The following WDFY4 variants were observed in gnomAD, a reference collection of about 807,000 sequenced individuals.
WDFY4 encodes the protein WDFY family member 4.
Under a neutral mutation model 351.9 loss-of-function variants are expected in WDFY4, and 169 were observed. The ratio of observed to expected loss-of-function variants is 0.48; its 90% CI spans 0.42 to 0.55. WDFY4 has a LOEUF of 0.55. Ranked by LOEUF, WDFY4 falls within the 20% of genes least tolerant of loss-of-function variation. WDFY4 has a pLI of 0.00. For missense variants in WDFY4, 3,803 were observed against 3,935.6 expected (o/e 0.97, Z 0.90); for synonymous variants, 1,622 against 1,574.6 (o/e 1.03, Z -0.71).
intron 47 of WDFY4, among the ~76,000 whole-genome samples, chr10:48,926,063 C>A (rs1206004111): frequency 6.6e-6 from 1 of 152,182 alleles, no homozygotes; most frequent in Non-Finnish European, 1.5e-5. Flanking sequence ...TTTCTATACA[C>A]TGTGCCACCT....
At chr10:48,897,631 A>G in intron 45 of WDFY4, 57 bp downstream of exon 45, 1 of 1,527,152 alleles carries the variant, frequency 6.5e-7, no homozygotes, top group Non-Finnish European at 8.8e-7. Context: ...GCCATGGGAC[A>G]GGTGGTCCAG....
chr10:48,727,397 A>T (rs1421781464), intron 6 of WDFY4, 73 bp from the exon 7 acceptor site: 1 of 1,397,556 alleles, frequency 7.2e-7, no homozygotes, highest in Non-Finnish European at 9.8e-7. Context: ...GGAGTAGGGG[A>T]GGTAGGTGGA....
chr10:48,807,211 A>T (rs570768250), intron 27 of WDFY4, among the ~76,000 whole-genome samples: 43 of 152,338 alleles, frequency 2.8e-4, no homozygotes, highest in African/African-American at 1.0e-3. Flanking sequence ...AACTGAGGGA[A>T]TGAACAAATG....
In WDFY4 at chr10:48,959,714, C is replaced by T. The variant is rs750881430; in HGVS notation, c.8132-8C>T. The T allele has an allele frequency of 6.4e-7, 1 of 1,551,066 alleles. No homozygotes were observed. Among genetic ancestry groups the T allele is most frequent in the South Asian group, 1.2e-5 (1 of 84,030 alleles). Reference sequence around the variant, plus strand: ...ACCCAAATCTCTGCTGCTTCTCATCCCATGCAGGCTGCATGCAGGACGGGA... The same window carrying T: ...ACCCAAATCTCTGCTGCTTCTCATCTCATGCAGGCTGCATGCAGGACGGGA... On this transcript the variant is annotated splice_region_variant and splice_polypyrimidine_tract_variant and intron_variant, in intron 52 of 61. Coordinates refer to ENST00000325239, the MANE Select transcript of WDFY4 (RefSeq NM_001394531.1).
In WDFY4 at chr10:48,808,022, C is replaced by A. The variant is rs1363124890; in HGVS notation, c.4838+64C>A. The A allele has an allele frequency of 1.6e-5, 21 of 1,329,648 alleles. No homozygotes were observed. The East Asian group carries it at 5.3e-4, about 34-fold the overall frequency. 82.4% of individuals were successfully genotyped at this position (1,329,648 alleles called of 1,614,324 possible). ...CCTCATACAGGGTGTGGCATTAAAC[C>A]TTTTCTTAATGAAAAGTTTAGCATC... On this transcript the variant is annotated intron_variant, in intron 28 of 61. Transcript: ENST00000325239.
chr10:48,801,511 A>G (rs1565214804), intron 24 of WDFY4: 1 of 456,798 alleles, frequency 2.2e-6, no homozygotes, highest in Non-Finnish European at 4.4e-6. Flanking sequence ...ACAGACATGT[A>G]TGTTGGGGTG....
chr10:48,978,692 C>T (rs1842681400), intron 60 of WDFY4: 1 of 292,834 alleles, frequency 3.4e-6, no homozygotes, highest in Admixed American at 4.9e-5. Flanking sequence ...CCCATCAAAG[C>T]TGTTACCGCA....
chr10:48,757,143 T>C (rs1358648346), intron 12 of WDFY4, among the ~76,000 whole-genome samples: 1 of 152,124 alleles, frequency 6.6e-6, no homozygotes, highest in Non-Finnish European at 1.5e-5. Context: ...TTATTTCTTC[T>C]TGTTGAGTTT....
chr10:48,923,157 G>C (rs573040317), intron 47 of WDFY4, among the ~76,000 whole-genome samples: 3 of 152,174 alleles, frequency 2.0e-5, no homozygotes, highest in East Asian at 3.9e-4. Context: ...ATTTTGTTAA[G>C]CCCCCACACA....
Position 48,731,167 on chromosome 10 carries a change from C to T in WDFY4, c.1187C>T (p.Ala396Val). 1.3e-6 allele frequency: 2 copies of T among 1,551,586 alleles called. No individual in the cohort carries two copies. The highest frequency in any genetic ancestry group is 1.2e-5 in the South Asian group (1 of 84,038). ...FQVLQNVFHK[A>V]SDSVLCIQVL... is the part of the protein sequence containing the mutation. ...GTCCTACAGAATGTTTTCCACAAAG[C>T]CAGTGACTCTGTCCTCTGCATACAA... The change falls in exon 9 of 62, where the codon GCC becomes GTC. Residue 396 changes from alanine to valine, a missense_variant. Around this residue, in one of 3 missense-constraint regions of WDFY4, gnomAD observed 261 missense variants for 330.2 expected, o/e 0.79. Coordinates refer to ENST00000325239, the MANE Select transcript of WDFY4 (RefSeq NM_001394531.1).
Position 48,743,141 on chromosome 10 carries a change from T to A in WDFY4, c.2052T>A (p.Thr684=). 6.4e-7 allele frequency: 1 copy of A among 1,551,652 alleles called. No homozygotes were observed. The highest frequency in any genetic ancestry group is 8.7e-7 in the Non-Finnish European group (1 of 1,146,972). The change falls in exon 12 of 62, where the codon ACT becomes ACA. Residue 684 remains threonine, a synonymous_variant. Transcript: ENST00000325239. The stretch of plus-strand genomic sequence containing the variant: ...AGACCCTGGAGCTGGTTTTGTACAC[T>A]CTCTGTGCTGTGTCCGCAGCGCTGC... The part of the protein sequence containing the change: ...PRQTLELVLY[T]LCAVSAALHW...
At chr10:48,711,185 A>T (rs532499805) in intron 2 of WDFY4, among the ~76,000 whole-genome samples, 43 of 152,352 alleles carry the variant, frequency 2.8e-4, no homozygotes, top group Admixed American at 2.8e-3. Context: ...TGTTGGGAAC[A>T]CGTTTATAGG....
intron 19 of WDFY4, among the ~76,000 whole-genome samples, chr10:48,781,368 C>A (rs919152388): frequency 6.6e-6 from 1 of 152,018 alleles, no homozygotes; most frequent in African/African-American, 2.4e-5. Flanking sequence ...GCGATCTCAG[C>A]TCTCCGCAAC....
At chr10:48,812,179 C>A (rs951305499) in intron 30 of WDFY4, among the ~76,000 whole-genome samples, 1 of 134,558 alleles carries the variant, frequency 7.4e-6, no homozygotes, top group Non-Finnish European at 1.6e-5. Context: ...TCTTTCTTTT[C>A]TTTTTTTTTT....
intron 51 of WDFY4, among the ~76,000 whole-genome samples, chr10:48,953,010 C>T (rs1841403741): frequency 6.6e-6 from 1 of 152,148 alleles, no homozygotes; most frequent in Non-Finnish European, 1.5e-5. Flanking sequence ...TCAGGCTCTC[C>T]TTCCTGTTGT....
At chr10:48,828,923 T>TGTGG in intron 37 of WDFY4, 27 bp downstream of exon 37, 18 of 5,012 alleles carry the variant, frequency 3.6e-3, no homozygotes, top group Non-Finnish European at 5.6e-3. Context: ...ATTGTGTGTG[T>TGTGG]GGGCGGGGGG....
Position 48,982,536 on chromosome 10 carries a change from TGA to T in WDFY4, c.9520_9521del (p.Arg3174GlyfsTer35), listed in dbSNP as rs1169875899. ...RNHTKLLVGD[E>X]RGRIFCWSAD... ...ACCACACCAAACTCCTGGTTGGTGA[TGA>T]GAGGGGGAGAATATTCTGCTGGTCT... On this transcript the variant is annotated frameshift_variant, in exon 62 of 62. Coordinates refer to ENST00000325239, the MANE Select transcript of WDFY4 (RefSeq NM_001394531.1). LOFTEE classifies it high-confidence loss of function. 1 of 1,534,452 alleles carries T rather than the reference TGA, an allele frequency of 6.5e-7. No homozygotes were observed. The highest frequency in any genetic ancestry group is 8.8e-7 in the Non-Finnish European group (1 of 1,136,250).
At chr10:48,751,922 C>T (rs2065196473) in intron 12 of WDFY4, among the ~76,000 whole-genome samples, 1 of 152,124 alleles carries the variant, frequency 6.6e-6, no homozygotes, top group Non-Finnish European at 1.5e-5. Flanking sequence ...CTGCAAAGGC[C>T]CCTAGGCTTC....
At chr10:48,800,933 A>T (rs1217957687) in intron 24 of WDFY4, among the ~76,000 whole-genome samples, 5 of 151,954 alleles carry the variant, frequency 3.3e-5, no homozygotes, top group African/African-American at 1.2e-4. Context: ...GGATTTCACC[A>T]TATTGGTCAG....
Sources: gnomAD v4.1 joint callset for allele counts (sites outside exome capture counted in the v4.1 genomes callset) on GRCh38, gnomAD v4.1.1 for gene constraint, gnomAD v4.1.1 regional missense constraint, MANE v1.5 for transcripts, NCBI Gene and HGNC (gene_info 2026-07-23, HGNC 2026-07-21) for gene names.